PAM: variants seen among roughly 807,000 people sequenced by gnomAD.
PAM encodes the protein peptidylglycine alpha-amidating monooxygenase.
A neutral mutation model predicts 122.1 loss-of-function variants in PAM; 72 were observed. That is an observed-to-expected ratio of 0.59 (90% CI 0.49 to 0.72). The LOEUF (loss-of-function observed/expected upper bound fraction) is 0.72, where lower values mean the gene tolerates loss of function less well. Among genes scored for constraint, PAM ranks in the 30% least tolerant of loss-of-function variants. The pLI is 0.00. For synonymous variants in PAM, 389 were observed against 404.4 expected, an observed-to-expected ratio of 0.96 and a Z score of 0.46; for missense variants, 1,106 against 1,183.7, an observed-to-expected ratio of 0.93 and a Z score of 0.96.
At chr5:102,868,689 A>T (rs182579757) in intron 3 of PAM, among the ~76,000 whole-genome samples, 58 of 151,756 alleles carry the variant, frequency 3.8e-4, no homozygotes, top group East Asian at 5.8e-4. Flanking sequence ...TATTTTTTTT[A>T]AAATATCCAC....
intron 22 of PAM, among the ~76,000 whole-genome samples, chr5:103,018,627 A>C (rs1021860734): frequency 1.3e-5 from 2 of 152,196 alleles, no homozygotes; most frequent in Non-Finnish European, 2.9e-5. Flanking sequence ...AGATAGATGG[A>C]TAACCCCCAA....
chr5:102,932,892 T>C (rs941098684), intron 7 of PAM, among the ~76,000 whole-genome samples: 9 of 152,176 alleles, frequency 5.9e-5, no homozygotes, highest in Non-Finnish European at 1.2e-4. Flanking sequence ...TCCATGTAAC[T>C]GGGCTCATTG....
chr5:102,956,157 C>A (rs1213475282), intron 12 of PAM, among the ~76,000 whole-genome samples: 2 of 151,780 alleles, frequency 1.3e-5, no homozygotes, highest in African/African-American at 4.8e-5. Flanking sequence ...GAATTGGTAC[C>A]CCAAATGAAC....
intron 16 of PAM, among the ~76,000 whole-genome samples, chr5:102,997,850 G>A (rs961659000): frequency 6.6e-6 from 1 of 152,156 alleles, no homozygotes; most frequent in African/African-American, 2.4e-5. Context: ...ATTGATAGAG[G>A]ATGTTTTTCA....
intron 4 of PAM, among the ~76,000 whole-genome samples, chr5:102,906,812 C>A (rs910393367): frequency 6.6e-6 from 1 of 151,566 alleles, no homozygotes; most frequent in Admixed American, 6.6e-5. Context: ...AGGACTGGCA[C>A]AATGTTACGC....
chr5:102,775,328 T>A (rs180741352), intron 1 of PAM, among the ~76,000 whole-genome samples: 340 of 152,226 alleles, frequency 2.2e-3, no homozygotes, highest in Non-Finnish European at 3.8e-3. Flanking sequence ...TTTAGAACTT[T>A]ATTTTTTTAA....
chr5:102,862,845 G>GT (rs1784544595), intron 1 of PAM, among the ~76,000 whole-genome samples: 3 of 152,170 alleles, frequency 2.0e-5, no homozygotes, highest in Non-Finnish European at 4.4e-5. Flanking sequence ...AATAAATAGT[G>GT]GACCCAGGAA....
At chr5:102,994,051 G>C (rs1265171307) in intron 16 of PAM, among the ~76,000 whole-genome samples, 2 of 151,978 alleles carry the variant, frequency 1.3e-5, no homozygotes, top group Non-Finnish European at 2.9e-5. Flanking sequence ...ACTAGAAAAA[G>C]GTAAGGTTTC....
At chr5:102,962,122 C>T (rs1762686352) in intron 14 of PAM, among the ~76,000 whole-genome samples, 2 of 151,766 alleles carry the variant, frequency 1.3e-5, no homozygotes, top group South Asian at 4.1e-4. Flanking sequence ...AAATATCACT[C>T]TTGTATGAAT....
At chr5:102,921,588 A>G (rs531725932) in intron 5 of PAM, among the ~76,000 whole-genome samples, 1 of 152,220 alleles carries the variant, frequency 6.6e-6, no homozygotes, top group East Asian at 1.9e-4. Context: ...TTTTTATTGT[A>G]AAACAGGGTT....
intron 3 of PAM, among the ~76,000 whole-genome samples, chr5:102,897,440 A>G (rs1796525508): frequency 6.6e-6 from 1 of 151,696 alleles, no homozygotes; most frequent in Admixed American, 6.6e-5. Flanking sequence ...ATATTCATAT[A>G]CATGGTGAAA....
intron 3 of PAM, among the ~76,000 whole-genome samples, chr5:102,883,537 G>A (rs1237538983): frequency 1.3e-5 from 2 of 151,960 alleles, no homozygotes; most frequent in Non-Finnish European, 2.9e-5. Context: ...GTATAGCAGA[G>A]CTACTGATTT....
chr5:102,944,266 C>G (rs1422017706), intron 7 of PAM, among the ~76,000 whole-genome samples: 1 of 151,936 alleles, frequency 6.6e-6, no homozygotes, highest in African/African-American at 2.4e-5. Flanking sequence ...ATTTTTATTG[C>G]AAGAGAACAA....
chr5:102,949,768 TG>T (rs1310917192), intron 10 of PAM, 133 bp from the exon 11 acceptor site: 14 of 685,726 alleles, frequency 2.0e-5, no homozygotes, highest in African/African-American at 5.5e-5. Context: ...TTTATCATAT[TG>T]TTTTTTTAAG....
At chr5:102,969,124 G>A (rs997081280) in intron 14 of PAM, among the ~76,000 whole-genome samples, 4 of 152,038 alleles carry the variant, frequency 2.6e-5, no homozygotes, top group South Asian at 2.1e-4. Flanking sequence ...GCATTAGGAG[G>A]AATACCTAAT....
intron 7 of PAM, among the ~76,000 whole-genome samples, chr5:102,934,951 T>G (rs1752782192): frequency 6.6e-6 from 1 of 152,192 alleles, no homozygotes. Context: ...AGTTTTCAGT[T>G]AAAATACTAA....
chr5:102,795,019 A>G (rs983066117), intron 1 of PAM, among the ~76,000 whole-genome samples: 1 of 151,788 alleles, frequency 6.6e-6, no homozygotes, highest in South Asian at 2.1e-4. Context: ...GGGAAACCCC[A>G]TCTCTACAAA....
intron 1 of PAM, among the ~76,000 whole-genome samples, chr5:102,860,389 A>G (rs1783847503): frequency 6.6e-6 from 1 of 152,212 alleles, no homozygotes; most frequent in Admixed American, 6.5e-5. Context: ...AAGGGGCAGA[A>G]AGCAAGGAAA....
At chr5:102,819,800 T>TA (rs1771137966) in intron 1 of PAM, among the ~76,000 whole-genome samples, 1 of 152,204 alleles carries the variant, frequency 6.6e-6, no homozygotes, top group Non-Finnish European at 1.5e-5. Context: ...TTACCCTGGA[T>TA]GGTTATGCTA....
Sources: allele counts gnomAD v4.1 joint callset (sites outside exome capture counted in the v4.1 genomes callset), GRCh38; gene constraint gnomAD v4.1.1; transcripts MANE v1.5; gene names NCBI Gene and HGNC (gene_info 2026-07-23, HGNC 2026-07-21).